The following FYCO1 variants were observed in gnomAD, a reference collection of about 807,000 sequenced individuals.
FYCO1 encodes the protein FYVE and coiled-coil domain autophagy adaptor 1, also known as FYVE and coiled-coil domain-containing protein 1.
In FYCO1, 122 loss-of-function variants were observed where a neutral mutation model predicts 165.1. The ratio of observed to expected loss-of-function variants is 0.74; its 90% CI spans 0.64 to 0.86. The LOEUF is 0.86. Among genes scored for constraint, FYCO1 ranks in the 40% least tolerant of loss-of-function variants. The pLI is 0.00. For missense variants in FYCO1, 1,702 were observed against 1,810.3 expected (o/e 0.94, Z 1.09); for synonymous variants, 648 against 742.5 (o/e 0.87, Z 2.07).
Position 45,968,134 on chromosome 3 carries a change from C to T in FYCO1, c.1200G>A (p.Met400Ile). The T allele has an allele frequency of 6.2e-7, 1 of 1,614,166 alleles. No homozygotes were observed. Among genetic ancestry groups the T allele is most frequent in the South Asian group, 1.1e-5 (1 of 91,078 alleles). The change falls in exon 8 of 18, where the codon ATG becomes ATA. Residue 400 changes from methionine (M) to isoleucine (I), a missense_variant. Physicochemically the swap from Met to Ile is conservative, Grantham distance 10. Coordinates refer to ENST00000296137, the MANE Select transcript of FYCO1 (RefSeq NM_024513.4). ...EPIPSDAAQE[M>I]QELGEKLQAL... Reference sequence around the variant, plus strand: ...CTTGAAGCTTCTCCCCTAGCTCCTGCATCTCCTGGGCCGCATCACTGGGAA... The same window carrying T: ...CTTGAAGCTTCTCCCCTAGCTCCTGTATCTCCTGGGCCGCATCACTGGGAA...
chr3:45,946,918 C>T, intron 14 of FYCO1: 1 of 1,614,214 alleles, frequency 6.2e-7, no homozygotes, highest in Non-Finnish European at 8.5e-7. Context: ...AAGAGGATGA[C>T]CTGGGGCAAG....
At chr3:45,928,920 A>G (rs1316161864) in intron 16 of FYCO1, among the ~76,000 whole-genome samples, 1 of 152,240 alleles carries the variant, frequency 6.6e-6, no homozygotes. Context: ...AGAGTCCAGT[A>G]TACAGGACAC....
chr3:45,967,104 T>C lies in FYCO1; in HGVS notation c.2230A>G (p.Ile744Val), dbSNP rs763836931. The change falls in exon 8 of 18, where the codon ATT becomes GTT. Residue 744 changes from isoleucine to valine, a missense_variant. Physicochemically the swap from Ile to Val is conservative, Grantham distance 29 (BLOSUM62 3). Transcript: ENST00000296137. ...CCTTTCTCTGCTGTGAGGACCTCAA[T>C]CAGCTGGGTCTGCTGCTGGCACTGG... ...ESQCQQQTQL[I>V]EVLTAEKGQQ... is the part of the protein sequence containing the mutation. 1 of 1,613,952 alleles carries C rather than the reference T, an allele frequency of 6.2e-7. No individual in the cohort carries two copies. The highest frequency in any genetic ancestry group is 2.2e-5 in the East Asian group (1 of 44,864).
chr3:45,921,612 A>G lies in FYCO1; in HGVS notation c.*153T>C, dbSNP rs1703094082. ...GAGTGGCCGGTGCAGAGTGCTGAGC[A>G]CAAAGTCCTCCCCAGACACCGCCTC... On this transcript the variant is annotated 3_prime_UTR_variant, in exon 18 of 18. Transcript: ENST00000296137. 1 of 683,744 alleles carries G rather than the reference A, an allele frequency of 1.5e-6. No homozygotes were observed. The highest frequency in any genetic ancestry group is 1.8e-5 in the African/African-American group (1 of 56,516). 42.4% of individuals were successfully genotyped at this position (683,744 alleles called of 1,614,324 possible).
chr3:45,928,006 T>C (rs1176828106), intron 16 of FYCO1, among the ~76,000 whole-genome samples: 1 of 152,244 alleles, frequency 6.6e-6, no homozygotes, highest in Non-Finnish European at 1.5e-5. Flanking sequence ...TTTCATTCAT[T>C]CCAGCTGTTT....
At chr3:45,977,269 T>A (rs767495958) in intron 4 of FYCO1, among the ~76,000 whole-genome samples, 31 of 150,880 alleles carry the variant, frequency 2.1e-4, no homozygotes, top group Non-Finnish European at 3.4e-4. Flanking sequence ...CTTACCATTA[T>A]ACCAGCCTTT....
chr3:45,975,465 C>T, intron 4 of FYCO1, 120 bp from the exon 5 acceptor site: 5 of 733,396 alleles, frequency 6.8e-6, no homozygotes, highest in Non-Finnish European at 1.2e-5. Context: ...CCAATTTTAC[C>T]CTATACGTTG....
At chr3:45,930,336 GCCC>G (rs1703529629) in intron 16 of FYCO1, among the ~76,000 whole-genome samples, 1 of 152,040 alleles carries the variant, frequency 6.6e-6, no homozygotes, top group South Asian at 2.1e-4. Context: ...CCTTCTCCTT[GCCC>G]CATACTGAAT....
chr3:45,966,194 T>C lies in FYCO1; in HGVS notation c.3057+83A>G, dbSNP rs542970526. 1,154 of 1,445,324 alleles carry C rather than the reference T, an allele frequency of 8.0e-4. 2 individuals carry two copies. The highest frequency in any genetic ancestry group is 9.3e-4 in the Non-Finnish European group (964 of 1,039,074). The allele number at this position is 1,445,324 out of a possible 1,614,324, so 89.5% of individuals were successfully genotyped here. On this transcript the variant is annotated intron_variant, in intron 8 of 17. Transcript: ENST00000296137. Reference sequence around the variant, plus strand: ...CATTCTCCAGCCCTCACCTGCCTCATGGCTAAAGGTGCATCTTCCCATGGA... The same window carrying C: ...CATTCTCCAGCCCTCACCTGCCTCACGGCTAAAGGTGCATCTTCCCATGGA...
At chr3:45,950,134 G>C (rs954509356) in intron 14 of FYCO1, among the ~76,000 whole-genome samples, 1 of 151,964 alleles carries the variant, frequency 6.6e-6, no homozygotes, top group Non-Finnish European at 1.5e-5. Context: ...CTTCCATTTG[G>C]CTCTCCCTTC....
intron 5 of FYCO1, among the ~76,000 whole-genome samples, chr3:45,973,650 A>G (rs1706571904): frequency 6.6e-6 from 1 of 152,224 alleles, no homozygotes; most frequent in Non-Finnish European, 1.5e-5. Context: ...AAGCCAAGGA[A>G]CAAACTATTC....
At chr3:45,949,806 G>A (rs549080884) in intron 14 of FYCO1, among the ~76,000 whole-genome samples, 11 of 152,294 alleles carry the variant, frequency 7.2e-5, no homozygotes, top group Middle Eastern at 3.4e-3. Flanking sequence ...CTGCCTGCCT[G>A]GCCCCAGGAA....
chr3:45,929,823 T>C (rs2125795811), intron 16 of FYCO1, among the ~76,000 whole-genome samples: 1 of 152,332 alleles, frequency 6.6e-6, no homozygotes, highest in Non-Finnish European at 1.5e-5. Flanking sequence ...AAGCGATCCC[T>C]GCATTGAGCA....
At chr3:45,958,662 G>C in intron 12 of FYCO1, 43 bp from the exon 13 acceptor site, 1 of 1,569,576 alleles carries the variant, frequency 6.4e-7, no homozygotes, top group Non-Finnish European at 8.8e-7. Flanking sequence ...GACACACTAT[G>C]ATCTTGTGTG....
intron 14 of FYCO1, among the ~76,000 whole-genome samples, chr3:45,938,726 A>T (rs1287171489): frequency 2.0e-5 from 3 of 152,226 alleles, no homozygotes; most frequent in African/African-American, 7.2e-5. Flanking sequence ...ACTCCTGACC[A>T]CATGATTGGC....
rs149783680 is a variant in FYCO1 at position 45,931,171 on chromosome 3, G to C, written c.4151C>G (p.Ala1384Gly). ...GAAGACCCAGCTGATGGTGAGGCCT[G>C]CCTCGGCCACAGTGATGGGGATCAG... Reference protein sequence around the residue: ...YSLIPITVAEAGLTISWVFSS... With the variant: ...YSLIPITVAEGGLTISWVFSS... The change falls in exon 16 of 18, where the codon GCA (alanine) becomes GGA (glycine). Residue 1384 changes from alanine to glycine, a missense_variant. Transcript: ENST00000296137. 657 of 1,613,966 alleles carry C rather than the reference G, an allele frequency of 4.1e-4. No homozygotes were observed. Among genetic ancestry groups the C allele is most frequent in the Non-Finnish European group, 3.8e-4 (453 of 1,179,948 alleles).
chr3:45,966,724 C>T lies in FYCO1; in HGVS notation c.2610G>A (p.Leu870=). 6.2e-7 allele frequency: 1 copy of T among 1,612,532 alleles called. No individual in the cohort carries two copies. Among genetic ancestry groups the T allele is most frequent in the Non-Finnish European group, 8.5e-7 (1 of 1,179,972 alleles). ...ADEAQQREEE[L]RALQEELSQA... is the part of the protein sequence containing the mutation. ...GGGACAGCTCCTCCTGCAGGGCCCG[C>T]AGCTCCTCCTCCCTCTGCTGGGCCT... Residue 870 remains leucine, a synonymous_variant, in exon 8 of 18, where the codon CTG becomes CTA. Coordinates refer to ENST00000296137, the MANE Select transcript of FYCO1 (RefSeq NM_024513.4).
chr3:45,963,631 C>T (rs1705825681), intron 10 of FYCO1, among the ~76,000 whole-genome samples: 1 of 152,218 alleles, frequency 6.6e-6, no homozygotes, highest in Admixed American at 6.5e-5. Flanking sequence ...TCCAGCAACT[C>T]CTCCTCCCTG....
chr3:45,935,215 A>G (rs1460267422), intron 15 of FYCO1, among the ~76,000 whole-genome samples: 3 of 152,204 alleles, frequency 2.0e-5, no homozygotes, highest in African/African-American at 7.2e-5. Flanking sequence ...AGGAACAAGG[A>G]TTCCTCTAAT....
Sources: allele counts gnomAD v4.1 joint callset (sites outside exome capture counted in the v4.1 genomes callset), GRCh38; gene constraint gnomAD v4.1.1; transcripts MANE v1.5; gene names NCBI Gene and HGNC (gene_info 2026-07-23, HGNC 2026-07-21).